PDE4B: variants seen among roughly 807,000 people sequenced by gnomAD.
The protein encoded by PDE4B is phosphodiesterase 4B, also known as 3',5'-cyclic-AMP phosphodiesterase 4B.
A neutral mutation model predicts 82.2 loss-of-function variants in PDE4B; 20 were observed. The observed-to-expected ratio is 0.24, with a 90% CI of 0.17 to 0.35. The LOEUF (loss-of-function observed/expected upper bound fraction) is 0.35, where lower values mean the gene tolerates loss of function less well. Ranked by LOEUF, PDE4B falls within the 10% of genes least tolerant of loss-of-function variation. The probability of loss-of-function intolerance (pLI) is 1.00; values close to 1 mark genes in which losing one functional copy is unlikely to be tolerated. For missense variants in PDE4B, 655 were observed against 907.2 expected (o/e 0.72, Z 3.57); for synonymous variants, 320 against 318.9 (o/e 1.00, Z -0.04).
chr1:66,011,142 CA>C (rs2100738942), intron 3 of PDE4B, among the ~76,000 whole-genome samples: 1 of 146,428 alleles, frequency 6.8e-6, no homozygotes, highest in Non-Finnish European at 1.5e-5. Flanking sequence ...ATGGATATAC[CA>C]AAATGTGTTT....
rs1657564573 is a variant in PDE4B at position 66,297,082 on chromosome 1, A to G, written c.634+30995A>G. ...CATTTGACTCTTCGTGTCTCTTTTCATACATCTCTTAGCCATATCACCATT... is the reference window on the plus strand; with the variant it reads ...CATTTGACTCTTCGTGTCTCTTTTCGTACATCTCTTAGCCATATCACCATT... On this transcript the variant is annotated intron_variant, in intron 7 of 16. Transcript: ENST00000341517. Among the ~76,000 whole-genome samples, 3 of 151,958 alleles carry G rather than the reference A, an allele frequency of 2.0e-5. 1 individual carries two copies. In the South Asian group the frequency reaches 6.2e-4, roughly 32 times the overall value.
intron 1 of PDE4B, among the ~76,000 whole-genome samples, chr1:65,849,428 G>GC (rs1428187307): frequency 6.6e-6 from 1 of 152,188 alleles, no homozygotes; most frequent in Non-Finnish European, 1.5e-5. Flanking sequence ...ACAGGGAGGT[G>GC]CCAGGCTAGC....
At chr1:66,084,500 G>T (rs1656902711) in intron 3 of PDE4B, among the ~76,000 whole-genome samples, 2 of 152,048 alleles carry the variant, frequency 1.3e-5, no homozygotes, top group South Asian at 4.2e-4. Flanking sequence ...CCCTCAGTCT[G>T]GCCAATGACA....
chr1:66,002,920 G>A (rs751141663), intron 3 of PDE4B, among the ~76,000 whole-genome samples: 6 of 152,078 alleles, frequency 3.9e-5, no homozygotes, highest in Admixed American at 1.3e-4. Flanking sequence ...TATTTCTTGA[G>A]ATAATGTATT....
intron 3 of PDE4B, among the ~76,000 whole-genome samples, chr1:66,080,752 T>C (rs1218107809): frequency 6.6e-6 from 1 of 152,178 alleles, no homozygotes; most frequent in African/African-American, 2.4e-5. Context: ...TCTTTTCTTC[T>C]TTGTTAACTT....
intron 16 of PDE4B, among the ~76,000 whole-genome samples, chr1:66,371,455 C>T (rs1251055892): frequency 6.6e-6 from 1 of 152,154 alleles, no homozygotes; most frequent in East Asian, 1.9e-4. Flanking sequence ...CGTAAGGCCA[C>T]ACTGCTAGCT....
intron 3 of PDE4B, among the ~76,000 whole-genome samples, chr1:66,082,840 C>A (rs1412730283): frequency 6.6e-6 from 1 of 151,864 alleles, no homozygotes; most frequent in Non-Finnish European, 1.5e-5. Context: ...CTATGCTAGG[C>A]ATCTGTGAAC....
At chr1:66,024,956 CTAAA>C (rs553742195) in intron 3 of PDE4B, among the ~76,000 whole-genome samples, 80 of 151,698 alleles carry the variant, frequency 5.3e-4, no homozygotes, top group African/African-American at 1.9e-3. Context: ...TGTATATGAA[CTAAA>C]TAGATGTTTT....
intron 3 of PDE4B, among the ~76,000 whole-genome samples, chr1:66,114,346 T>A (rs541987620): frequency 3.1e-4 from 47 of 152,270 alleles, no homozygotes; most frequent in African/African-American, 1.1e-3. Context: ...ATCTCAAAGA[T>A]GAGGAAACTA....
chr1:65,839,065 C>T lies in PDE4B; in HGVS notation c.-71+45817C>T, dbSNP rs139007862. The stretch of plus-strand genomic sequence containing the variant: ...CTTGTGCAGTAGGTGTGTAAGATAT[C>T]GAATTTTTGCTGTATACTTTAGGAT... On this transcript the variant is annotated intron_variant, in intron 1 of 16. Transcript: ENST00000341517. Among the ~76,000 whole-genome samples the T allele has an allele frequency of 4.3e-3, 655 of 151,982 alleles. 7 individuals are homozygous for T. The highest frequency in any genetic ancestry group is 0.013 in the African/African-American group (521 of 41,478).
chr1:65,800,280 C>A (rs1315605958), intron 1 of PDE4B, among the ~76,000 whole-genome samples: 1 of 152,172 alleles, frequency 6.6e-6, no homozygotes, highest in Non-Finnish European at 1.5e-5. Context: ...GTACAACTCC[C>A]TGGATGAGAA....
At chr1:66,126,260 T>C (rs1645821478) in intron 3 of PDE4B, among the ~76,000 whole-genome samples, 1 of 152,190 alleles carries the variant, frequency 6.6e-6, no homozygotes, top group African/African-American at 2.4e-5. Flanking sequence ...AAAGAGATAT[T>C]TGAGTTGGAA....
At chr1:66,232,535 T>C (rs1187406888) in intron 3 of PDE4B, among the ~76,000 whole-genome samples, 1 of 151,994 alleles carries the variant, frequency 6.6e-6, no homozygotes, top group Non-Finnish European at 1.5e-5. Context: ...TAAAATCACC[T>C]AGGAAATCGG....
At chr1:66,069,118 T>C (rs1035438739) in intron 3 of PDE4B, among the ~76,000 whole-genome samples, 1 of 152,034 alleles carries the variant, frequency 6.6e-6, no homozygotes, top group Non-Finnish European at 1.5e-5. Context: ...GTAACTGTGT[T>C]AACACCCTGC....
intron 1 of PDE4B, among the ~76,000 whole-genome samples, chr1:65,869,243 CAA>C (rs1306213273): frequency 6.6e-6 from 1 of 152,178 alleles, no homozygotes; most frequent in Non-Finnish European, 1.5e-5. Flanking sequence ...TTATCTTGAG[CAA>C]AGTTATCCAT....
chr1:66,306,009 T>G (rs1658249305), intron 7 of PDE4B, among the ~76,000 whole-genome samples: 1 of 152,078 alleles, frequency 6.6e-6, no homozygotes, highest in South Asian at 2.1e-4. Flanking sequence ...AGCATGGGAA[T>G]CAAGGAAGCC....
At chr1:66,188,245 T>G (rs1647364991) in intron 3 of PDE4B, among the ~76,000 whole-genome samples, 2 of 152,170 alleles carry the variant, frequency 1.3e-5, no homozygotes, top group South Asian at 4.2e-4. Flanking sequence ...GAGGAGTGTT[T>G]TACTTCCAAC....
intron 7 of PDE4B, among the ~76,000 whole-genome samples, chr1:66,314,708 C>T (rs926591703): frequency 1.3e-5 from 2 of 152,190 alleles, no homozygotes; most frequent in African/African-American, 4.8e-5. Flanking sequence ...CCACCGTGCC[C>T]AACCTCCACT....
At chr1:66,105,700 C>A (rs1183079196) in intron 3 of PDE4B, among the ~76,000 whole-genome samples, 2 of 152,110 alleles carry the variant, frequency 1.3e-5, no homozygotes, top group African/African-American at 2.4e-5. Flanking sequence ...CTCGTTGAAG[C>A]AATTGTGAAT....
Sources: gnomAD v4.1 joint callset for allele counts (sites outside exome capture counted in the v4.1 genomes callset) on GRCh38, gnomAD v4.1.1 for gene constraint, MANE v1.5 for transcripts, NCBI Gene and HGNC (gene_info 2026-07-23, HGNC 2026-07-21) for gene names.